Variants in CACNA2D3 observed in about 807,000 individuals in gnomAD.
CACNA2D3 encodes calcium voltage-gated channel auxiliary subunit alpha2delta 3.
CACNA2D3 carries 60 observed loss-of-function variants against 160.6 expected under a neutral mutation model. The ratio of observed to expected loss-of-function variants is 0.37; its 90% CI spans 0.30 to 0.46. The LOEUF is 0.46. Ranked by LOEUF, CACNA2D3 falls within the 20% of genes least tolerant of loss-of-function variation. CACNA2D3 has a pLI of 1.00. For missense variants in CACNA2D3, 1,205 were observed against 1,365.0 expected, an observed-to-expected ratio of 0.88 and a Z score of 1.85; for synonymous variants, 558 against 492.9, an observed-to-expected ratio of 1.13 and a Z score of -1.75.
chr3:54,972,772 T>C (rs1019693843), intron 29 of CACNA2D3, among the ~76,000 whole-genome samples: 1 of 152,160 alleles, frequency 6.6e-6, no homozygotes, highest in African/African-American at 2.4e-5. Flanking sequence ...ACCTGAGCCA[T>C]GTGACTTGAG....
chr3:54,985,314 A>T (rs1162116241), intron 30 of CACNA2D3, among the ~76,000 whole-genome samples: 1 of 152,232 alleles, frequency 6.6e-6, no homozygotes, highest in Admixed American at 6.5e-5. Flanking sequence ...CTCTGCCTGG[A>T]AATCAAAATA....
intron 2 of CACNA2D3, among the ~76,000 whole-genome samples, chr3:54,245,411 G>A (rs946031892): frequency 2.6e-5 from 4 of 151,978 alleles, no homozygotes; most frequent in African/African-American, 9.7e-5. Flanking sequence ...TCAAAAGGTG[G>A]CTTTTGCTGA....
At chr3:54,517,505 C>A (rs542790920) in intron 5 of CACNA2D3, among the ~76,000 whole-genome samples, 1 of 152,342 alleles carries the variant, frequency 6.6e-6, no homozygotes, top group Admixed American at 6.5e-5. Flanking sequence ...CCCCTCCCCA[C>A]AACTGAGGAG....
intron 11 of CACNA2D3, among the ~76,000 whole-genome samples, chr3:54,729,323 C>T (rs1054020304): frequency 6.6e-6 from 1 of 152,160 alleles, no homozygotes; most frequent in Admixed American, 6.5e-5. Flanking sequence ...TCTGGTGGCA[C>T]CTTCAAGCCC....
intron 11 of CACNA2D3, among the ~76,000 whole-genome samples, chr3:54,700,036 T>G (rs1700738510): frequency 6.6e-6 from 1 of 152,158 alleles, no homozygotes. Context: ...TGGGTTTCCT[T>G]AGGGAGCAGA....
intron 29 of CACNA2D3, among the ~76,000 whole-genome samples, chr3:54,980,454 C>A (rs1559453877): frequency 6.6e-6 from 1 of 152,204 alleles, no homozygotes; most frequent in Non-Finnish European, 1.5e-5. Context: ...TTAAAACAAT[C>A]CTTTAACCCT....
intron 16 of CACNA2D3, among the ~76,000 whole-genome samples, chr3:54,840,863 C>A (rs1454592906): frequency 1.3e-5 from 2 of 151,556 alleles, no homozygotes; most frequent in Non-Finnish European, 2.9e-5. Context: ...GCTGGGACTA[C>A]AGGTGCCCGC....
intron 2 of CACNA2D3, among the ~76,000 whole-genome samples, chr3:54,316,059 G>T (rs1173878804): frequency 6.7e-6 from 1 of 148,754 alleles, no homozygotes; most frequent in Non-Finnish European, 1.5e-5. Flanking sequence ...TGTACATTGT[G>T]TATGTCCTCC....
At chr3:54,391,008 AAT>A (rs1491280565) in intron 4 of CACNA2D3, among the ~76,000 whole-genome samples, 6 of 149,232 alleles carry the variant, frequency 4.0e-5, no homozygotes, top group Non-Finnish European at 7.4e-5. Context: ...CATACTGAAA[AAT>A]AAAAAGTGAT....
intron 2 of CACNA2D3, among the ~76,000 whole-genome samples, chr3:54,255,208 T>C (rs1702270284): frequency 6.6e-6 from 1 of 152,254 alleles, no homozygotes. Context: ...TAAGAGTCAT[T>C]CTGGCGTTAA....
Position 54,918,698 on chromosome 3 carries a change from C to A in CACNA2D3, c.2449+18830C>A, listed in dbSNP as rs754326677. 9 of 1,614,026 alleles carry A rather than the reference C, an allele frequency of 5.6e-6. No individual in the cohort carries two copies. The South Asian group carries it at 9.9e-5, about 18-fold the overall frequency. ...GGTTTGAGCTCGCACTCCAAGAGTTCTCGCTCCCCCGCGTTGTGGTTCTCA... is the reference window on the plus strand; with the variant it reads ...GGTTTGAGCTCGCACTCCAAGAGTTATCGCTCCCCCGCGTTGTGGTTCTCA... On this transcript the variant is annotated intron_variant, in intron 27 of 37. Transcript: ENST00000474759.
intron 2 of CACNA2D3, among the ~76,000 whole-genome samples, chr3:54,160,667 CTTG>C (rs1164049221): frequency 1.3e-5 from 2 of 152,122 alleles, no homozygotes; most frequent in Non-Finnish European, 1.5e-5. Flanking sequence ...TGTTTTTAGG[CTTG>C]TTGTCAAATC....
At chr3:54,878,933 C>A in intron 18 of CACNA2D3, 85 bp from the exon 19 acceptor site, 2 of 727,364 alleles carry the variant, frequency 2.7e-6, no homozygotes, top group Non-Finnish European at 4.5e-6. Context: ...AATATGGAGG[C>A]TCCACTGCAC....
chr3:54,326,135 G>T (rs1704116224), intron 3 of CACNA2D3, among the ~76,000 whole-genome samples: 1 of 152,160 alleles, frequency 6.6e-6, no homozygotes, highest in Non-Finnish European at 1.5e-5. Flanking sequence ...GGTTTATCTG[G>T]AGAAACCTGG....
At position 54,298,944 on chromosome 3, in the gene CACNA2D3, T is replaced by TAAAAA. The variant is rs59100168; in HGVS notation, c.205-21473_205-21469dup. Among the ~76,000 whole-genome samples, 11 of 99,334 alleles carry TAAAAA rather than the reference T, an allele frequency of 1.1e-4. No individual in the cohort carries two copies. The South Asian group carries it at 2.3e-3, about 20-fold the overall frequency. 65.2% of individuals were successfully genotyped at this position (99,334 alleles called of 152,430 possible). ...AGCAACAGAGCAAGACTCTGTTTCTTAAAAAAAAAAAAAAAAAAAAAAAAA... is the reference window on the plus strand; with the variant it reads ...AGCAACAGAGCAAGACTCTGTTTCTTAAAAAAAAAAAAAAAAAAAAAAAAAAAAAA... On this transcript the variant is annotated intron_variant, in intron 2 of 37. Transcript: ENST00000474759.
chr3:54,422,688 T>C (rs910126394), intron 4 of CACNA2D3, among the ~76,000 whole-genome samples: 1 of 152,058 alleles, frequency 6.6e-6, no homozygotes, highest in Non-Finnish European at 1.5e-5. Flanking sequence ...GATGATGATA[T>C]CAAATGTTGG....
chr3:54,440,868 T>G (rs1409812000), intron 4 of CACNA2D3, among the ~76,000 whole-genome samples: 1 of 152,204 alleles, frequency 6.6e-6, no homozygotes, highest in Non-Finnish European at 1.5e-5. Flanking sequence ...TGCCACATTT[T>G]CTTAATCCAG....
chr3:55,066,620 G>A (rs1437761006), intron 35 of CACNA2D3, among the ~76,000 whole-genome samples: 2 of 152,142 alleles, frequency 1.3e-5, no homozygotes, highest in Admixed American at 6.5e-5. Flanking sequence ...TGTCACGGGA[G>A]GCTGTCTTGA....
At position 54,832,011 on chromosome 3, in the gene CACNA2D3, T is replaced by TCATACACACAGCACACACACA. The variant is rs373556430; in HGVS notation, c.1399-5146_1399-5145insTACACACAGCACACACACACA. 1.3e-3 allele frequency among the ~76,000 whole-genome samples: 159 copies of TCATACACACAGCACACACACA among 118,952 alleles called. 2 individuals carry two copies. Among genetic ancestry groups the TCATACACACAGCACACACACA allele is most frequent in the Middle Eastern group, 8.1e-3 (2 of 248 alleles). The allele number at this position is 118,952 out of a possible 152,430, so 78.0% of individuals were successfully genotyped here. A position where few individuals can be genotyped will look rare whatever the true frequency, so the allele number is the denominator to read the frequency against. ...TCCCTCTTTATCTCTCTCTTCTCTG[T>TCATACACACAGCACACACACA]CACACACACACACACACACACACAC... On this transcript the variant is annotated intron_variant, in intron 14 of 37. Coordinates refer to ENST00000474759, the MANE Select transcript of CACNA2D3 (RefSeq NM_018398.3).
Sources: allele counts gnomAD v4.1 joint callset (sites outside exome capture counted in the v4.1 genomes callset), GRCh38; gene constraint gnomAD v4.1.1; transcripts MANE v1.5; gene names NCBI Gene and HGNC (gene_info 2026-07-23, HGNC 2026-07-21).